KIF26A: variants seen among roughly 807,000 people sequenced by gnomAD.
The protein encoded by KIF26A is kinesin-like protein KIF26A.
In KIF26A, 74 loss-of-function variants were observed where a neutral mutation model predicts 126.0. The ratio of observed to expected loss-of-function variants is 0.59; its 90% CI spans 0.49 to 0.71. The LOEUF is 0.71. Among genes scored for constraint, KIF26A ranks in the 30% least tolerant of loss-of-function variants. The pLI is 0.00. For synonymous variants in KIF26A, 1,445 were observed against 1,232.7 expected, an observed-to-expected ratio of 1.17 and a Z score of -3.61; for missense variants, 2,984 against 2,763.3, an observed-to-expected ratio of 1.08 and a Z score of -1.79.
In KIF26A at chr14:104,162,512, C is replaced by T. The variant is rs117190157; in HGVS notation, c.924-4347C>T. Among the ~76,000 whole-genome samples the T allele has an allele frequency of 3.5e-3, 540 of 152,342 alleles. 4 individuals carry two copies. The highest frequency in any genetic ancestry group is 6.5e-3 in the Non-Finnish European group (445 of 68,026). Reference sequence around the variant, plus strand: ...TTTTGGCCTCTGCAGACCTAAGGCTCCAGCCTCAATCTCCCTCTGGCCTCT... The same window carrying T: ...TTTTGGCCTCTGCAGACCTAAGGCTTCAGCCTCAATCTCCCTCTGGCCTCT... On this transcript the variant is annotated intron_variant, in intron 4 of 14. Coordinates refer to ENST00000423312, the MANE Select transcript of KIF26A (RefSeq NM_015656.2).
chr14:104,152,140 G>C lies in KIF26A; in HGVS notation c.414G>C (p.Glu138Asp), dbSNP rs1352315362. 1 of 1,611,310 alleles carries C rather than the reference G, an allele frequency of 6.2e-7. No homozygotes were observed. Among genetic ancestry groups the C allele is most frequent in the Non-Finnish European group, 8.5e-7 (1 of 1,179,530 alleles). ...CATHLQQLTR[E>D]AMHLLQAPAS... is the part of the protein sequence containing the mutation. ...CACACCTGCAGCAGCTCACACGGGA[G>C]GCCATGCACCTGCTGCAGGCCCCTG... is the stretch of plus-strand genomic sequence containing the variant. The change falls in exon 3 of 15, where the codon GAG becomes GAC. Residue 138 changes from glutamate to aspartate, a missense_variant. Coordinates refer to ENST00000423312, the MANE Select transcript of KIF26A (RefSeq NM_015656.2). The surrounding 1 kb of genome is among the most constrained non-coding windows in gnomAD (Gnocchi z 5.9).
At chr14:104,166,721 C>A in intron 4 of KIF26A, 138 bp from the exon 5 acceptor site, 1 of 821,170 alleles carries the variant, frequency 1.2e-6, no homozygotes, top group Non-Finnish European at 1.9e-6. Flanking sequence ...GCAGGCCTCC[C>A]AGCCACATTT....
chr14:104,175,127 C>A lies in KIF26A; in HGVS notation c.2339C>A (p.Ser780Tyr). ...TGCCTGCCCGGTGACCCCGATTACT[C>A]CTCCAGCAGCGAGCAGTCCTGTGAC... ...PPCLPGDPDY[S>Y]SSSEQSCDTV... Residue 780 changes from serine (S) to tyrosine (Y), a missense_variant, in exon 12 of 15, where the codon TCC becomes TAC. Ser to Tyr is a moderately radical substitution (Grantham distance 144, BLOSUM62 -2). Coordinates refer to ENST00000423312, the MANE Select transcript of KIF26A (RefSeq NM_015656.2). 1 of 1,606,904 alleles carries A rather than the reference C, an allele frequency of 6.2e-7. No homozygotes were observed.
chr14:104,157,411 G>A (rs771000804), intron 3 of KIF26A, among the ~76,000 whole-genome samples: 30 of 152,136 alleles, frequency 2.0e-4, no homozygotes, highest in South Asian at 8.3e-4. Flanking sequence ...CAGTGTGGTC[G>A]CTGCGATTCT....
rs1172633000 is a variant in KIF26A, at chr14:104,176,957, T to C, written c.4169T>C (p.Val1390Ala). The C allele has an allele frequency of 6.5e-7, 1 of 1,532,534 alleles. No individual in the cohort carries two copies. The highest frequency in any genetic ancestry group is 2.5e-5 in the East Asian group (1 of 40,624). The allele number at this position is 1,532,534 out of a possible 1,614,324, so 94.9% of individuals were successfully genotyped here. A position where few individuals can be genotyped will look rare whatever the true frequency, so the allele number is the denominator to read the frequency against. Residue 1390 changes from valine (V) to alanine (A), a missense_variant, in exon 12 of 15, where the codon GTC becomes GCC. Transcript: ENST00000423312. Reference protein sequence around the residue: ...APPHAVNPARVGAAAVLRGEE... With the variant: ...APPHAVNPARAGAAAVLRGEE... ...CCGCATGCTGTGAACCCGGCGCGGGTCGGGGCTGCTGCTGTCCTTCGAGGG... is the reference window on the plus strand; with the variant it reads ...CCGCATGCTGTGAACCCGGCGCGGGCCGGGGCTGCTGCTGTCCTTCGAGGG...
At position 104,166,850 on chromosome 14, in the gene KIF26A, C is replaced by A. The variant is rs1351019185; in HGVS notation, c.924-9C>A. 3 of 1,551,418 alleles carry A rather than the reference C, an allele frequency of 1.9e-6. No homozygotes were observed. The highest frequency in any genetic ancestry group is 3.8e-5 in the Admixed American group (2 of 52,636). Reference sequence around the variant, plus strand: ...CACCACTGATCCTGCCTCTGCCTCTCCTCCCCAGGGCTATGCAGAAGCTCA... The same window carrying A: ...CACCACTGATCCTGCCTCTGCCTCTACTCCCCAGGGCTATGCAGAAGCTCA... On this transcript the variant is annotated splice_polypyrimidine_tract_variant and intron_variant, in intron 4 of 14. Transcript: ENST00000423312.
Position 104,148,936 on chromosome 14 carries a change from A to T in KIF26A, c.289-3079A>T, listed in dbSNP as rs1387039584. ...TTAGCTGGACAGTGTGCTGGGCCCCAGGCTGGTCCTGCAAATAGGAGGTCT... is the reference window on the plus strand; with the variant it reads ...TTAGCTGGACAGTGTGCTGGGCCCCTGGCTGGTCCTGCAAATAGGAGGTCT... On this transcript the variant is annotated intron_variant, in intron 2 of 14. Transcript: ENST00000423312. The surrounding 1 kb of genome is among the most constrained non-coding windows in gnomAD (Gnocchi z 4.3). Among the ~76,000 whole-genome samples, 1 of 152,088 alleles carries T rather than the reference A, an allele frequency of 6.6e-6. No homozygotes were observed. Among genetic ancestry groups the T allele is most frequent in the African/African-American group, 2.4e-5 (1 of 41,406 alleles).
Position 104,152,685 on chromosome 14 carries a change from C to A in KIF26A, c.735+224C>A, listed in dbSNP as rs114622037. Among the ~76,000 whole-genome samples the A allele has an allele frequency of 6.6e-6, 1 of 152,244 alleles. No individual in the cohort carries two copies. The highest frequency in any genetic ancestry group is 2.4e-5 in the African/African-American group (1 of 41,464). On this transcript the variant is annotated intron_variant, in intron 3 of 14. Transcript: ENST00000423312. This position sits in a 1 kb window ranked among gnomAD's most constrained non-coding sequence, Gnocchi z 5.9. ...CCCTGCCTGACTCAGGGAATACCTT[C>A]TCTGGGAGCACGTGCCCCTCCCTGT...
chr14:104,169,407 T>A (rs1045458059), intron 5 of KIF26A, among the ~76,000 whole-genome samples: 3 of 152,266 alleles, frequency 2.0e-5, no homozygotes, highest in African/African-American at 7.2e-5. Context: ...CTGCCCCACT[T>A]CCTCCTGGGG....
intron 2 of KIF26A, among the ~76,000 whole-genome samples, chr14:104,143,899 G>A (rs756430426): frequency 1.3e-4 from 20 of 152,350 alleles, no homozygotes; most frequent in Non-Finnish European, 2.2e-4. Flanking sequence ...GAGGGGGCAC[G>A]GCTCCCTGGC....
Position 104,172,972 on chromosome 14 carries a change from C to T in KIF26A, c.1421-5C>T. ...GGTGGGGCCTGACGCCTGCGTGGCC[C>T]CCAGGCAAGTCGTACACCATGATCG... is the stretch of plus-strand genomic sequence containing the variant. On this transcript the variant is annotated splice_region_variant and splice_polypyrimidine_tract_variant and intron_variant, in intron 7 of 14. Transcript: ENST00000423312. 1.9e-6 allele frequency: 3 copies of T among 1,584,606 alleles called. No individual in the cohort carries two copies. The highest frequency in any genetic ancestry group is 2.3e-5 in the East Asian group (1 of 44,178).
At position 104,178,520 on chromosome 14, in the gene KIF26A, G is replaced by C. The variant is rs375906059; in HGVS notation, c.5111-30G>C. On this transcript the variant is annotated intron_variant, in intron 12 of 14. Transcript: ENST00000423312. ...TGTGCTTGGGCTGGGCCCCGCCTCT[G>C]TTCACCCTGTGCCCGGCTCTCCGTT... 11 of 1,423,718 alleles carry C rather than the reference G, an allele frequency of 7.7e-6. No homozygotes were observed. The African/African-American group carries it at 1.5e-4, about 19-fold the overall frequency. The allele number at this position is 1,423,718 out of a possible 1,614,324, so 88.2% of individuals were successfully genotyped here.
Position 104,173,506 on chromosome 14 carries a change from G to A in KIF26A, c.1860G>A (p.Arg620=). Reference sequence around the variant, plus strand: ...AGTACCGCATGGAGAAGTGCGGCCGGGGAGGAAGTAGGTGCCACACCCGCA... The same window carrying A: ...AGTACCGCATGGAGAAGTGCGGCCGAGGAGGAAGTAGGTGCCACACCCGCA... ...VYQYRMEKCG[R]GGMSGGRSRL... The change falls in exon 9 of 15, where the codon CGG becomes CGA. Residue 620 remains arginine, a synonymous_variant. Transcript: ENST00000423312. The A allele has an allele frequency of 1.3e-6, 2 of 1,560,316 alleles. No homozygotes were observed. The highest frequency in any genetic ancestry group is 1.7e-6 in the Non-Finnish European group (2 of 1,149,066).
At position 104,173,092 on chromosome 14, in the gene KIF26A, C is replaced by A; in HGVS notation, c.1536C>A (p.Thr512=). 1 of 1,604,998 alleles carries A rather than the reference C, an allele frequency of 6.2e-7. No homozygotes were observed. Among genetic ancestry groups the A allele is most frequent in the Non-Finnish European group, 8.5e-7 (1 of 1,176,758 alleles). Residue 512 remains threonine (T), a synonymous_variant, in exon 8 of 15, where the codon ACC becomes ACA. Coordinates refer to ENST00000423312, the MANE Select transcript of KIF26A (RefSeq NM_015656.2). ...AGGAGCGCAGGGAGAGGACGGGCAC[C>A]CGCTTCTCCGTCCGGGTCTCAGCCG... The part of the protein sequence containing the change: ...LIEERRERTG[T]RFSVRVSAVE...
chr14:104,159,831 G>T (rs1433019589), intron 4 of KIF26A, among the ~76,000 whole-genome samples: 1 of 152,078 alleles, frequency 6.6e-6, no homozygotes, highest in Non-Finnish European at 1.5e-5. Context: ...TCGGTGGTGG[G>T]TGACCTCCTC....
Position 104,174,171 on chromosome 14 carries a change from T to C in KIF26A, c.2054T>C (p.Leu685Pro), listed in dbSNP as rs752878660. 6.3e-7 allele frequency: 1 copy of C among 1,588,922 alleles called. No homozygotes were observed. The change falls in exon 11 of 15, where the codon CTG becomes CCG. Residue 685 changes from leucine (L) to proline (P), a missense_variant. Physicochemically the swap from Leu to Pro is moderately conservative, Grantham distance 98. Coordinates refer to ENST00000423312, the MANE Select transcript of KIF26A (RefSeq NM_015656.2). ...PYRDHRLTML[L>P]RESLATAGCR... ...AGGGACCACAGGCTCACCATGCTGCTGCGTGAATCCCTGGCCACCGCTGGC... is the reference window on the plus strand; with the variant it reads ...AGGGACCACAGGCTCACCATGCTGCCGCGTGAATCCCTGGCCACCGCTGGC...
Position 104,173,793 on chromosome 14 carries a change from C to T in KIF26A, c.1955C>T (p.Pro652Leu). ...AGRAGEAAGG[P>L]LCLSLSALGS... ...AGGGCCGGGGAGGCTGCTGGGGGTCCCCTGTGTCTGTCCCTGTCGGCCCTG... is the reference window on the plus strand; with the variant it reads ...AGGGCCGGGGAGGCTGCTGGGGGTCTCCTGTGTCTGTCCCTGTCGGCCCTG... The change falls in exon 10 of 15, where the codon CCC (proline) becomes CTC (leucine). Residue 652 changes from proline to leucine, a missense_variant. Transcript: ENST00000423312. 6.2e-7 allele frequency: 1 copy of T among 1,606,470 alleles called. No individual in the cohort carries two copies. The highest frequency in any genetic ancestry group is 2.2e-5 in the East Asian group (1 of 44,874).
intron 2 of KIF26A, among the ~76,000 whole-genome samples, chr14:104,150,901 G>C (rs191103474): frequency 1.3e-3 from 200 of 152,288 alleles, no homozygotes; most frequent in African/African-American, 4.7e-3. Context: ...GGGGTTGCCC[G>C]GGCTGGGTGC....
intron 13 of KIF26A, 82 bp downstream of exon 13, chr14:104,178,837 C>A: frequency 3.8e-6 from 3 of 790,144 alleles, no homozygotes; most frequent in Non-Finnish European, 5.9e-6. Context: ...TTGATGGGCT[C>A]GCCAGGCCTC....
Sources: gnomAD v4.1 joint callset for allele counts (sites outside exome capture counted in the v4.1 genomes callset) on GRCh38, gnomAD v4.1.1 for gene constraint, Gnocchi (gnomAD v3.1) non-coding constraint, MANE v1.5 for transcripts, NCBI Gene and HGNC (gene_info 2026-07-23, HGNC 2026-07-21) for gene names.